The following TSNARE1 variants were observed in gnomAD, a reference collection of about 807,000 sequenced individuals.
TSNARE1 encodes t-SNARE domain containing 1, also known as t-SNARE domain-containing protein 1.
A neutral mutation model predicts 62.0 loss-of-function variants in TSNARE1; 49 were observed. That is an observed-to-expected ratio of 0.79 (90% CI 0.63 to 1.00). The LOEUF is 1.00. Ranked by LOEUF, TSNARE1 falls within the 50% of genes least tolerant of loss-of-function variation. The pLI is 0.00. For missense variants in TSNARE1, 755 were observed against 700.1 expected, an observed-to-expected ratio of 1.08 and a Z score of -0.88; for synonymous variants, 328 against 294.4, an observed-to-expected ratio of 1.11 and a Z score of -1.17.
chr8:142,345,904 A>AAGGGACAGTCACGATTACTCTCAGCTC lies in TSNARE1; in HGVS notation c.89-39_89-13dup. 6.2e-7 allele frequency: 1 copy of AAGGGACAGTCACGATTACTCTCAGCTC among 1,611,410 alleles called. No homozygotes were observed. Among genetic ancestry groups the AAGGGACAGTCACGATTACTCTCAGCTC allele is most frequent in the Non-Finnish European group, 8.5e-7 (1 of 1,178,478 alleles). On this transcript the variant is annotated splice_polypyrimidine_tract_variant and intron_variant, in intron 2 of 13. Coordinates refer to ENST00000524325, the MANE Select transcript of TSNARE1 (RefSeq NM_145003.5). The stretch of plus-strand genomic sequence containing the variant: ...ACATCTAGCGCACTCTACGGACAGC[A>AAGGGACAGTCACGATTACTCTCAGCTC]AGGGACAGTCACGATTACTCTCAGC...
chr8:142,384,771 G>A (rs978276736), intron 1 of TSNARE1, among the ~76,000 whole-genome samples: 1 of 152,132 alleles, frequency 6.6e-6, no homozygotes, highest in African/African-American at 2.4e-5. Flanking sequence ...GTTGGATTTG[G>A]CAATGATTTC....
At chr8:142,314,074 C>G (rs563212586) in intron 9 of TSNARE1, among the ~76,000 whole-genome samples, 28 of 152,328 alleles carry the variant, frequency 1.8e-4, no homozygotes, top group African/African-American at 5.8e-4. Flanking sequence ...CCACCGCGCC[C>G]GGCCACGTGT....
intron 10 of TSNARE1, among the ~76,000 whole-genome samples, chr8:142,294,127 C>T (rs898095145): frequency 6.6e-6 from 1 of 151,996 alleles, no homozygotes; most frequent in African/African-American, 2.4e-5. Flanking sequence ...GGGCTGGGAC[C>T]CCCTGCGGAC....
At chr8:142,381,577 G>A (rs1237146565) in intron 1 of TSNARE1, among the ~76,000 whole-genome samples, 3 of 152,212 alleles carry the variant, frequency 2.0e-5, no homozygotes, top group African/African-American at 7.2e-5. Flanking sequence ...GGAGACCCCA[G>A]AAGCAGAGGC....
chr8:142,272,462 AC>A (rs1819710814), intron 12 of TSNARE1: 1 of 170,210 alleles, frequency 5.9e-6, no homozygotes, highest in South Asian at 2.1e-4. Flanking sequence ...CCTTCCATCC[AC>A]CCATCCAACT....
At chr8:142,249,067 T>C (rs1157630585) in intron 12 of TSNARE1, among the ~76,000 whole-genome samples, 1 of 152,146 alleles carries the variant, frequency 6.6e-6, no homozygotes, top group Non-Finnish European at 1.5e-5. Flanking sequence ...GGAACTAAAC[T>C]GAGGCAGACA....
At position 142,309,501 on chromosome 8, in the gene TSNARE1, T is replaced by A. The variant is rs145933349; in HGVS notation, c.1131+4883A>T. On this transcript the variant is annotated intron_variant, in intron 9 of 13. Coordinates refer to ENST00000524325, the MANE Select transcript of TSNARE1 (RefSeq NM_145003.5). ...GAATTTTATCGAGTGCTTTTTTCTA[T>A]CTGTTGAAATGACCTGTACACATTT... Among the ~76,000 whole-genome samples the A allele has an allele frequency of 2.0e-3, 310 of 152,366 alleles. 2 individuals are homozygous for A. The highest frequency in any genetic ancestry group is 6.9e-3 in the African/African-American group (288 of 41,578).
chr8:142,264,379 G>A lies in TSNARE1; in HGVS notation c.1446+10402C>T, dbSNP rs560486701. Among the ~76,000 whole-genome samples, 27 of 152,250 alleles carry A rather than the reference G, an allele frequency of 1.8e-4. No individual in the cohort carries two copies. The South Asian group carries it at 2.3e-3, about 13-fold the overall frequency. On this transcript the variant is annotated intron_variant, in intron 12 of 13. Coordinates refer to ENST00000524325, the MANE Select transcript of TSNARE1 (RefSeq NM_145003.5). ...CATGGTCAAAATCTGGAAATATTCC[G>A]GTTGTACCTGAGAAAATGAGTGCCC...
At chr8:142,304,866 G>T (rs1335214443) in intron 9 of TSNARE1, among the ~76,000 whole-genome samples, 1 of 152,224 alleles carries the variant, frequency 6.6e-6, no homozygotes, top group African/African-American at 2.4e-5. Flanking sequence ...CTGGAGAGCG[G>T]CATGACGGTT....
intron 6 of TSNARE1, among the ~76,000 whole-genome samples, chr8:142,325,530 T>G (rs1443032988): frequency 1.3e-5 from 2 of 151,972 alleles, no homozygotes; most frequent in Non-Finnish European, 2.9e-5. Flanking sequence ...ACGGGGCAGC[T>G]CAAGAGGAGT....
At chr8:142,362,989 T>C (rs537096320) in intron 1 of TSNARE1, among the ~76,000 whole-genome samples, 1 of 152,196 alleles carries the variant, frequency 6.6e-6, no homozygotes, top group South Asian at 2.1e-4. Flanking sequence ...GACGCTCGGG[T>C]CCTGGCCCCA....
chr8:142,232,355 G>A (rs552030729), intron 12 of TSNARE1, among the ~76,000 whole-genome samples: 2 of 152,218 alleles, frequency 1.3e-5, no homozygotes, highest in Non-Finnish European at 2.9e-5. Flanking sequence ...CTGGGCCCTC[G>A]GCCACTTCCT....
intron 1 of TSNARE1, among the ~76,000 whole-genome samples, chr8:142,370,994 A>G (rs191881091): frequency 6.6e-6 from 1 of 152,356 alleles, no homozygotes; most frequent in Non-Finnish European, 1.5e-5. Context: ...AAGGGACTGT[A>G]TAAAAACACT....
intron 9 of TSNARE1, among the ~76,000 whole-genome samples, chr8:142,310,113 T>A (rs1443751658): frequency 6.6e-6 from 1 of 152,220 alleles, no homozygotes; most frequent in Non-Finnish European, 1.5e-5. Context: ...TTTTCTATCT[T>A]GATTAATCTT....
chr8:142,258,298 C>T (rs1458306776), intron 12 of TSNARE1, among the ~76,000 whole-genome samples: 1 of 152,198 alleles, frequency 6.6e-6, no homozygotes, highest in Non-Finnish European at 1.5e-5. Flanking sequence ...CACACACACA[C>T]GGATGCATGC....
At chr8:142,284,019 G>T (rs540274909) in intron 11 of TSNARE1, among the ~76,000 whole-genome samples, 2 of 136,724 alleles carry the variant, frequency 1.5e-5, no homozygotes, top group African/African-American at 5.1e-5. Flanking sequence ...CAGGGTGAAG[G>T]CTAGTGTCTA....
chr8:142,305,351 T>C (rs1465905765), intron 9 of TSNARE1, among the ~76,000 whole-genome samples: 2 of 61,498 alleles, frequency 3.3e-5, no homozygotes, highest in Non-Finnish European at 6.4e-5. Context: ...GGCGCAGGGG[T>C]GGGAGGGGGG....
chr8:142,280,022 G>C (rs941004585), intron 11 of TSNARE1: 31 of 1,219,718 alleles, frequency 2.5e-5, no homozygotes, highest in Non-Finnish European at 3.0e-5. Flanking sequence ...TTGTGCTTGA[G>C]GTCCCCCAGG....
At chr8:142,222,217 T>TTCAC (rs1816327096) in intron 13 of TSNARE1, among the ~76,000 whole-genome samples, 4 of 26,580 alleles carry the variant, frequency 1.5e-4, no homozygotes, top group East Asian at 1.4e-3. Flanking sequence ...CATCCGCTCA[T>TTCAC]TCACTCACTC....
Sources: allele counts gnomAD v4.1 joint callset (sites outside exome capture counted in the v4.1 genomes callset), GRCh38; gene constraint gnomAD v4.1.1; transcripts MANE v1.5; gene names NCBI Gene and HGNC (gene_info 2026-07-23, HGNC 2026-07-21).